ROBO2: variants seen among roughly 807,000 people sequenced by gnomAD.
The protein encoded by ROBO2 is roundabout guidance receptor 2.
A neutral mutation model predicts 160.8 loss-of-function variants in ROBO2; 53 were observed. That is an observed-to-expected ratio of 0.33 (90% CI 0.26 to 0.41). The LOEUF is 0.41. Among genes scored for constraint, ROBO2 ranks in the 10% least tolerant of loss-of-function variants. ROBO2 has a pLI of 1.00. For synonymous variants in ROBO2, 664 were observed against 611.7 expected (o/e 1.09, Z -1.26); for missense variants, 1,577 against 1,722.4 (o/e 0.92, Z 1.49).
At chr3:77,245,398 T>C (rs1289765860) in intron 2 of ROBO2, among the ~76,000 whole-genome samples, 1 of 152,202 alleles carries the variant, frequency 6.6e-6, no homozygotes, top group African/African-American at 2.4e-5. Context: ...TAGATTTGAC[T>C]CAGAAAACCA....
intron 2 of ROBO2, among the ~76,000 whole-genome samples, chr3:75,966,400 T>A (rs1435415634): frequency 1.3e-5 from 2 of 151,758 alleles, no homozygotes; most frequent in Non-Finnish European, 2.9e-5. Context: ...AACTAAATGT[T>A]TTTAGATCAA....
At chr3:77,269,499 G>A (rs1008850121) in intron 2 of ROBO2, among the ~76,000 whole-genome samples, 2 of 151,916 alleles carry the variant, frequency 1.3e-5, no homozygotes, top group Non-Finnish European at 2.9e-5. Context: ...ATTCATCTGC[G>A]AGCCACAAGT....
chr3:76,802,755 T>C (rs2064326059), intron 2 of ROBO2, among the ~76,000 whole-genome samples: 2 of 151,818 alleles, frequency 1.3e-5, no homozygotes, highest in Admixed American at 1.3e-4. Context: ...GATACCACCT[T>C]CAGAATAGTT....
At chr3:76,528,329 C>T (rs1453699717) in intron 2 of ROBO2, among the ~76,000 whole-genome samples, 2 of 151,978 alleles carry the variant, frequency 1.3e-5, no homozygotes, top group Non-Finnish European at 2.9e-5. Flanking sequence ...CATTTAGGAA[C>T]AATTACAAGA....
intron 2 of ROBO2, among the ~76,000 whole-genome samples, chr3:76,881,965 G>A (rs1161603845): frequency 6.6e-6 from 1 of 151,562 alleles, no homozygotes; most frequent in Non-Finnish European, 1.5e-5. Context: ...TGTCTGTTGG[G>A]TGGTAGGTTG....
At chr3:76,967,062 A>G (rs2059332372) in intron 2 of ROBO2, among the ~76,000 whole-genome samples, 1 of 152,114 alleles carries the variant, frequency 6.6e-6, no homozygotes, top group Non-Finnish European at 1.5e-5. Flanking sequence ...ACAATCCCTC[A>G]AATCTCACAT....
intron 2 of ROBO2, among the ~76,000 whole-genome samples, chr3:76,138,534 G>T (rs2071513649): frequency 6.6e-6 from 1 of 151,984 alleles, no homozygotes; most frequent in African/African-American, 2.4e-5. Flanking sequence ...TTTTCAATAA[G>T]ATTTTCTGAA....
intron 1 of ROBO2, among the ~76,000 whole-genome samples, chr3:77,086,773 C>G (rs1021079748): frequency 7.9e-5 from 12 of 152,048 alleles, no homozygotes; most frequent in Admixed American, 5.9e-4. Flanking sequence ...TTTTTCTGGT[C>G]GTGATTTAGC....
chr3:77,526,197 T>G (rs1214864742), intron 6 of ROBO2, among the ~76,000 whole-genome samples: 1 of 151,506 alleles, frequency 6.6e-6, no homozygotes, highest in Non-Finnish European at 1.5e-5. Context: ...GGTCTGAAGC[T>G]TCCCTGTTTT....
chr3:77,487,253 A>G (rs917383453), intron 4 of ROBO2, among the ~76,000 whole-genome samples: 1 of 152,104 alleles, frequency 6.6e-6, no homozygotes, highest in Non-Finnish European at 1.5e-5. Flanking sequence ...TCTTGAGTAT[A>G]TTTATTGAGC....
At chr3:76,363,367 T>G (rs1222926579) in intron 2 of ROBO2, among the ~76,000 whole-genome samples, 1 of 152,092 alleles carries the variant, frequency 6.6e-6, no homozygotes, top group Non-Finnish European at 1.5e-5. Context: ...TGGCCTCATA[T>G]ATCACTACCA....
At chr3:75,907,955 C>T (rs1371667573) in intron 1 of ROBO2, among the ~76,000 whole-genome samples, 1 of 151,634 alleles carries the variant, frequency 6.6e-6, no homozygotes, top group Non-Finnish European at 1.5e-5. Flanking sequence ...ACTAATAGCA[C>T]TAATTTGTGA....
chr3:76,227,160 T>C (rs1430303665), intron 2 of ROBO2, among the ~76,000 whole-genome samples: 2 of 152,236 alleles, frequency 1.3e-5, no homozygotes, highest in Non-Finnish European at 2.9e-5. Flanking sequence ...TCTGAAAGTA[T>C]ATTTGGTGAA....
chr3:76,068,941 A>C (rs1421450926), intron 2 of ROBO2, among the ~76,000 whole-genome samples: 1 of 152,176 alleles, frequency 6.6e-6, no homozygotes, highest in African/African-American at 2.4e-5. Context: ...TTACCTTATT[A>C]GCTGCTGCTT....
chr3:77,226,274 G>A (rs538239581), intron 2 of ROBO2, among the ~76,000 whole-genome samples: 60 of 151,840 alleles, frequency 4.0e-4, no homozygotes, highest in African/African-American at 1.4e-3. Context: ...TATATGGACC[G>A]TTGTACGTGA....
intron 5 of ROBO2, among the ~76,000 whole-genome samples, chr3:77,509,916 C>T (rs1025354472): frequency 8.6e-5 from 13 of 151,886 alleles, no homozygotes; most frequent in Admixed American, 7.9e-4. Flanking sequence ...AAATTAATCC[C>T]GTGTCAGCAT....
chr3:77,127,489 A>G (rs1407562936), intron 2 of ROBO2, among the ~76,000 whole-genome samples: 1 of 152,176 alleles, frequency 6.6e-6, no homozygotes, highest in Non-Finnish European at 1.5e-5. Flanking sequence ...ATTCTCTTAC[A>G]TTGACAAAAG....
At chr3:76,997,605 GA>G (rs1436376132) in intron 2 of ROBO2, among the ~76,000 whole-genome samples, 1 of 152,136 alleles carries the variant, frequency 6.6e-6, no homozygotes, top group African/African-American at 2.4e-5. Flanking sequence ...CAAGTGAAAA[GA>G]AATACCAATA....
At chr3:77,211,233 C>T (rs954294728) in intron 2 of ROBO2, among the ~76,000 whole-genome samples, 3 of 152,220 alleles carry the variant, frequency 2.0e-5, no homozygotes, top group Non-Finnish European at 4.4e-5. Flanking sequence ...TATTTCTCCA[C>T]ATCCTCTCTA....
Sources: gnomAD v4.1 joint callset for allele counts (sites outside exome capture counted in the v4.1 genomes callset) on GRCh38, gnomAD v4.1.1 for gene constraint, MANE v1.5 for transcripts, NCBI Gene and HGNC (gene_info 2026-07-23, HGNC 2026-07-21) for gene names.